Variants in BPTF observed in about 807,000 individuals in gnomAD.
BPTF encodes bromodomain PHD finger transcription factor.
BPTF carries 18 observed loss-of-function variants against 292.5 expected under a neutral mutation model. That is an observed-to-expected ratio of 0.06 (90% CI 0.04 to 0.09). BPTF has a LOEUF of 0.09. BPTF is among the 10% of genes least tolerant of loss of function. BPTF has a pLI of 1.00. For missense variants in BPTF, 2,726 were observed against 3,498.7 expected (o/e 0.78, Z 5.57); for synonymous variants, 1,225 against 1,251.9 (o/e 0.98, Z 0.45).
At chr17:67,933,507 T>C (rs998176135) in intron 18 of BPTF, among the ~76,000 whole-genome samples, 3 of 151,718 alleles carry the variant, frequency 2.0e-5, no homozygotes, top group Non-Finnish European at 4.4e-5. Flanking sequence ...CATTGGAGGC[T>C]GCAGTGAAGT....
At position 67,863,383 on chromosome 17, in the gene BPTF, C is replaced by T. The variant is rs143269216; in HGVS notation, c.1437-3081C>T. On this transcript the variant is annotated intron_variant, in intron 2 of 27. Coordinates refer to ENST00000306378, the MANE Select transcript of BPTF (RefSeq NM_182641.4). ...CACTGCAACCTCCACCTCCCAGGTT[C>T]AAGTGATTCTCCTGCCTCAGCCTCC... Among the ~76,000 whole-genome samples the T allele has an allele frequency of 9.2e-3, 1,395 of 152,300 alleles. 9 individuals are homozygous for T. The highest frequency in any genetic ancestry group is 0.014 in the Non-Finnish European group (970 of 68,028).
chr17:67,944,473 T>C, intron 20 of BPTF, 101 bp downstream of exon 20: 1 of 1,346,414 alleles, frequency 7.4e-7, no homozygotes, highest in Non-Finnish European at 1.0e-6. Context: ...TGGAAGGATA[T>C]GCCTCAAGCC....
Position 67,854,109 on chromosome 17 carries a change from A to G in BPTF, c.783A>G (p.Arg261=), listed in dbSNP as rs1392916816. ...EVLRNFGTVL[R]LSPFRFEDFC... is the part of the protein sequence containing the mutation. Reference sequence around the variant, plus strand: ...TGCGGAACTTTGGCACTGTTTTGAGATTATCTCCTTTTCGCTTTGAGGACT... The same window carrying G: ...TGCGGAACTTTGGCACTGTTTTGAGGTTATCTCCTTTTCGCTTTGAGGACT... Residue 261 remains arginine, a synonymous_variant, in exon 2 of 28, where the codon AGA becomes AGG. Coordinates refer to ENST00000306378, the MANE Select transcript of BPTF (RefSeq NM_182641.4). This position sits in a 1 kb window ranked among gnomAD's most constrained non-coding sequence, Gnocchi z 5.6. The G allele has an allele frequency of 3.1e-6, 5 of 1,614,160 alleles. No homozygotes were observed. The South Asian group carries it at 4.4e-5, about 14-fold the overall frequency.
At chr17:67,848,801 T>C (rs2058212829) in intron 1 of BPTF, among the ~76,000 whole-genome samples, 1 of 152,156 alleles carries the variant, frequency 6.6e-6, no homozygotes, top group Non-Finnish European at 1.5e-5. Flanking sequence ...TACCTATACA[T>C]TGTAACATAA....
intron 19 of BPTF, among the ~76,000 whole-genome samples, chr17:67,943,613 C>G (rs2065567624): frequency 6.6e-6 from 1 of 152,104 alleles, no homozygotes; most frequent in Middle Eastern, 3.2e-3. Flanking sequence ...TATTGAAAGA[C>G]AAAATTCAGG....
At chr17:67,919,876 G>T in intron 12 of BPTF, 139 bp from the exon 13 acceptor site, 1 of 730,916 alleles carries the variant, frequency 1.4e-6, no homozygotes. Context: ...CCTGCTAGAT[G>T]TTAGTGATCC....
chr17:67,906,507 G>A (rs1568028501), intron 9 of BPTF, among the ~76,000 whole-genome samples: 2 of 152,260 alleles, frequency 1.3e-5, no homozygotes, highest in Middle Eastern at 3.4e-3. Flanking sequence ...TCAATGAGCC[G>A]ATTATTTCAC....
intron 2 of BPTF, among the ~76,000 whole-genome samples, chr17:67,859,767 A>G (rs1156996194): frequency 1.3e-5 from 2 of 152,218 alleles, no homozygotes; most frequent in African/African-American, 4.8e-5. Context: ...ATTTGAAATA[A>G]AGGCGTTTTT....
At chr17:67,850,246 AT>A (rs1271889045) in intron 1 of BPTF, among the ~76,000 whole-genome samples, 1 of 152,192 alleles carries the variant, frequency 6.6e-6, no homozygotes, top group Non-Finnish European at 1.5e-5. Flanking sequence ...CGTTAAGGAG[AT>A]TATATTCTAG....
In BPTF at chr17:67,931,995, C is replaced by G. The variant is rs2064431730; in HGVS notation, c.6235C>G (p.Arg2079Gly). Residue 2079 changes from arginine (R) to glycine (G), a missense_variant, in exon 18 of 28, where the codon CGA becomes GGA. Arg to Gly is a moderately radical substitution (Grantham distance 125). Transcript: ENST00000306378. ...GTCAACACTAGGAAAGGCAATTATT[C>G]GAACACCTGTGATGGTACAGCCAGG... ...QQSTLGKAII[R>G]TPVMVQPGAP... The G allele has an allele frequency of 6.2e-7, 1 of 1,613,886 alleles. No homozygotes were observed. Among genetic ancestry groups the G allele is most frequent in the Non-Finnish European group, 8.5e-7 (1 of 1,179,844 alleles).
chr17:67,876,330 A>G (rs1385930821), intron 4 of BPTF, among the ~76,000 whole-genome samples: 1 of 152,224 alleles, frequency 6.6e-6, no homozygotes, highest in Non-Finnish European at 1.5e-5. Flanking sequence ...AAGGATTTTG[A>G]CAACCTGCAG....
intron 20 of BPTF, among the ~76,000 whole-genome samples, chr17:67,944,764 T>C (rs1290131341): frequency 6.6e-6 from 1 of 152,152 alleles, no homozygotes; most frequent in African/African-American, 2.4e-5. Context: ...TTGTTGACCT[T>C]CTGCTGCAAG....
intron 3 of BPTF, 25 bp downstream of exon 3, chr17:67,866,712 A>G: frequency 6.3e-7 from 1 of 1,581,366 alleles, no homozygotes; most frequent in Non-Finnish European, 8.7e-7. Context: ...TTCTCATTTT[A>G]TTTTTGTTAA....
chr17:67,870,464 G>A (rs1292873323), intron 3 of BPTF, among the ~76,000 whole-genome samples: 1 of 151,984 alleles, frequency 6.6e-6, no homozygotes, highest in Non-Finnish European at 1.5e-5. Context: ...AATGAATTGA[G>A]CATTCAAATA....
At chr17:67,968,817 T>G (rs1217421200) in intron 26 of BPTF, among the ~76,000 whole-genome samples, 1 of 143,436 alleles carries the variant, frequency 7.0e-6, no homozygotes, top group Non-Finnish European at 1.5e-5. Flanking sequence ...ATTTAGAAAA[T>G]AAATACTATA....
intron 14 of BPTF, 113 bp from the exon 15 acceptor site, chr17:67,924,434 T>A: frequency 1.8e-6 from 2 of 1,093,864 alleles, no homozygotes; most frequent in South Asian, 3.1e-5. Context: ...ATTTTTAAAT[T>A]GAGATAATAT....
intron 27 of BPTF, 35 bp downstream of exon 27, chr17:67,975,993 A>C: frequency 1.3e-6 from 2 of 1,528,316 alleles, no homozygotes. Context: ...GAATTAATTC[A>C]ACTCTTCACA....
intron 18 of BPTF, among the ~76,000 whole-genome samples, chr17:67,938,730 A>G (rs1363247634): frequency 6.6e-6 from 1 of 152,254 alleles, no homozygotes. Flanking sequence ...CAATAATTAA[A>G]GCCAAAATTT....
intron 26 of BPTF, among the ~76,000 whole-genome samples, chr17:67,973,052 T>A (rs568163284): frequency 7.6e-5 from 11 of 144,448 alleles, no homozygotes; most frequent in African/African-American, 2.8e-4. Flanking sequence ...TATATATATA[T>A]TTTATATATA....
Sources: gnomAD v4.1 joint callset for allele counts (sites outside exome capture counted in the v4.1 genomes callset) on GRCh38, gnomAD v4.1.1 for gene constraint, Gnocchi (gnomAD v3.1) non-coding constraint, MANE v1.5 for transcripts, NCBI Gene and HGNC (gene_info 2026-07-23, HGNC 2026-07-21) for gene names.